Variants in CSTPP1 observed in about 807,000 individuals in gnomAD.
CSTPP1 encodes centriolar satellite-associated tubulin polyglutamylase complex regulator 1, also known as UPF0705 protein C11orf49.
chr11:47,001,399 T>G, the CSTPP1 span, among the ~76,000 whole-genome samples: 1 of 152,230 alleles, frequency 6.6e-6, no homozygotes, highest in Non-Finnish European at 1.5e-5. Context: ...TAATTTCATT[T>G]TGATACATGT....
the CSTPP1 span, among the ~76,000 whole-genome samples, chr11:47,074,501 GAAAAAAAAAA>G: frequency 0.1 from 11,911 of 115,122 alleles, 1,607 homozygotes; most frequent in African/African-American, 0.38. Context: ...TCCTGTCTCA[GAAAAAAAAAA>G]AAAAAAAAAA....
chr11:46,946,333 G>A, the CSTPP1 span, among the ~76,000 whole-genome samples: 4 of 152,212 alleles, frequency 2.6e-5, no homozygotes, highest in African/African-American at 7.2e-5. Flanking sequence ...AATTCTAGGA[G>A]GCCGAGTAGA....
chr11:46,947,576 C>A, the CSTPP1 span, among the ~76,000 whole-genome samples: 123 of 152,270 alleles, frequency 8.1e-4, no homozygotes, highest in African/African-American at 2.7e-3. Flanking sequence ...TTAGCAGGAA[C>A]CTACTAAAAG....
chr11:47,146,656 A>G, the CSTPP1 span, among the ~76,000 whole-genome samples: 1 of 152,176 alleles, frequency 6.6e-6, no homozygotes, highest in Non-Finnish European at 1.5e-5. Flanking sequence ...GGGAGTGTAA[A>G]TTGTTACAAT....
the CSTPP1 span, among the ~76,000 whole-genome samples, chr11:47,056,217 G>A: frequency 2.0e-5 from 3 of 152,100 alleles, no homozygotes; most frequent in Non-Finnish European, 2.9e-5. Flanking sequence ...ATCCATATTT[G>A]GTTGAAAAAA....
the CSTPP1 span, among the ~76,000 whole-genome samples, chr11:46,965,013 A>G: frequency 6.6e-6 from 1 of 152,148 alleles, no homozygotes; most frequent in South Asian, 2.1e-4. Context: ...ACAGGTAATC[A>G]TGACAGGTGA....
At chr11:46,975,534 TC>T in the CSTPP1 span, among the ~76,000 whole-genome samples, 1 of 152,200 alleles carries the variant, frequency 6.6e-6, no homozygotes, top group Non-Finnish European at 1.5e-5. Flanking sequence ...TGTATATGTA[TC>T]TTTAGCTCCT....
the CSTPP1 span, among the ~76,000 whole-genome samples, chr11:47,062,589 T>G: frequency 6.6e-6 from 1 of 152,206 alleles, no homozygotes; most frequent in African/African-American, 2.4e-5. Flanking sequence ...TAAAATAATA[T>G]TCAGTATTCC....
At chr11:47,018,060 G>C in the CSTPP1 span, among the ~76,000 whole-genome samples, 77 of 152,262 alleles carry the variant, frequency 5.1e-4, no homozygotes, top group Non-Finnish European at 8.8e-4. Flanking sequence ...GCATGTGTCA[G>C]TACTTTGCTT....
the CSTPP1 span, among the ~76,000 whole-genome samples, chr11:47,030,526 T>C: frequency 1.3e-5 from 2 of 152,236 alleles, no homozygotes; most frequent in South Asian, 4.1e-4. Context: ...ACTTATTTAT[T>C]TTTAACTTTT....
At chr11:47,054,928 ATTTTTTTTTT>A in the CSTPP1 span, among the ~76,000 whole-genome samples, 8 of 68,784 alleles carry the variant, frequency 1.2e-4, no homozygotes, top group South Asian at 5.5e-4. Flanking sequence ...ATAAATTTCA[ATTTTTTTTTT>A]TTTTTTTTTT....
the CSTPP1 span, among the ~76,000 whole-genome samples, chr11:46,959,629 G>A: frequency 6.6e-6 from 1 of 151,998 alleles, no homozygotes; most frequent in Non-Finnish European, 1.5e-5. Context: ...CTGTTCCTAA[G>A]CCTTTCTGAT....
At chr11:46,945,943 G>T in the CSTPP1 span, among the ~76,000 whole-genome samples, 1 of 152,204 alleles carries the variant, frequency 6.6e-6, no homozygotes, top group Non-Finnish European at 1.5e-5. Context: ...TCATGGAAGG[G>T]ACAGCAGTTC....
chr11:47,164,055 G>A, the CSTPP1 span: 3 of 1,576,912 alleles, frequency 1.9e-6, no homozygotes, highest in Admixed American at 5.5e-5. Context: ...CGAGTTAAAG[G>A]GCCAACTAAT....
the CSTPP1 span, among the ~76,000 whole-genome samples, chr11:46,954,803 T>C: frequency 7.0e-6 from 1 of 142,912 alleles, no homozygotes; most frequent in East Asian, 2.0e-4. Context: ...ATTTTCTTTC[T>C]TTTTTTTTTT....
At chr11:47,003,749 A>G in the CSTPP1 span, among the ~76,000 whole-genome samples, 1 of 152,320 alleles carries the variant, frequency 6.6e-6, no homozygotes, top group Non-Finnish European at 1.5e-5. Flanking sequence ...GGCTGCAACA[A>G]TAGATAATAC....
chr11:47,107,882 C>T, the CSTPP1 span, among the ~76,000 whole-genome samples: 7 of 152,212 alleles, frequency 4.6e-5, no homozygotes, highest in Admixed American at 2.0e-4. Context: ...GGGGCAGCAG[C>T]GTGCTGCACA....
chr11:46,970,054 T>G, the CSTPP1 span, among the ~76,000 whole-genome samples: 1 of 152,210 alleles, frequency 6.6e-6, no homozygotes, highest in Non-Finnish European at 1.5e-5. Context: ...ATAGATAGTT[T>G]ATATATGTAT....
At chr11:47,060,262 T>C in the CSTPP1 span, among the ~76,000 whole-genome samples, 7 of 141,154 alleles carry the variant, frequency 5.0e-5, no homozygotes, top group East Asian at 8.0e-4. Flanking sequence ...TCTTTTCTTT[T>C]TTTTTTTTTT....
Sources: allele counts gnomAD v4.1 joint callset (sites outside exome capture counted in the v4.1 genomes callset), GRCh38; gene constraint gnomAD v4.1.1; transcripts MANE v1.5; gene names NCBI Gene and HGNC (gene_info 2026-07-23, HGNC 2026-07-21).